ZNF500: variants seen among roughly 807,000 people sequenced by gnomAD.
ZNF500 encodes the protein zinc finger protein with KRAB and SCAN domains 18.
In ZNF500, 31 loss-of-function variants were observed where a neutral mutation model predicts 30.1. The ratio of observed to expected loss-of-function variants is 1.03; its 90% CI spans 0.77 to 1.39. The LOEUF (loss-of-function observed/expected upper bound fraction) is 1.39. ZNF500 is among the 40% of genes most tolerant of loss of function. The probability of loss-of-function intolerance (pLI) is 0.00; values close to 1 mark genes in which losing one functional copy is unlikely to be tolerated. For missense variants in ZNF500, 817 were observed against 657.8 expected, an observed-to-expected ratio of 1.24 and a Z score of -2.65; for synonymous variants, 392 against 282.0, an observed-to-expected ratio of 1.39 and a Z score of -3.91.
At chr16:4,762,992 C>T (rs529081883) in intron 2 of ZNF500, 1 of 985,448 alleles carries the variant, frequency 1.0e-6, no homozygotes, top group Non-Finnish European at 1.2e-6. Flanking sequence ...CATTCTTACC[C>T]TCTATTCCTT....
intron 5 of ZNF500, among the ~76,000 whole-genome samples, chr16:4,758,809 G>C (rs550942206): frequency 6.6e-6 from 1 of 152,132 alleles, no homozygotes; most frequent in South Asian, 2.1e-4. Context: ...CTCTTCATAG[G>C]CAACAAAAGA....
In ZNF500 at chr16:4,751,683, T is replaced by G. The variant is rs1480312583; in HGVS notation, c.*693A>C. 1 of 1,514,826 alleles carries G rather than the reference T, an allele frequency of 6.6e-7. No homozygotes were observed. The highest frequency in any genetic ancestry group is 1.2e-5 in the South Asian group (1 of 83,562). The allele number at this position is 1,514,826 out of a possible 1,614,324, so 93.8% of individuals were successfully genotyped here. A position where few individuals can be genotyped will look rare whatever the true frequency, so the allele number is the denominator to read the frequency against. ...CCTTATTTGGAAACACGGGTTTTGA[T>G]GATATAATTAGTTAAGATGAGGTCA... On this transcript the variant is annotated 3_prime_UTR_variant, in exon 6 of 6. Coordinates refer to ENST00000219478, the MANE Select transcript of ZNF500 (RefSeq NM_021646.4).
intron 5 of ZNF500, among the ~76,000 whole-genome samples, chr16:4,759,081 C>T (rs1292988475): frequency 1.8e-5 from 1 of 55,250 alleles, no homozygotes; most frequent in African/African-American, 8.1e-5. Context: ...TGGTGGCACA[C>T]ACCTGTAATC....
At chr16:4,753,128 A>C in intron 5 of ZNF500, 70 bp from the exon 6 acceptor site, 3 of 1,488,880 alleles carry the variant, frequency 2.0e-6, no homozygotes, top group Non-Finnish European at 2.7e-6. Context: ...CTAATAGGAA[A>C]ATGAAGGCCT....
chr16:4,763,628 C>T (rs2082231799), intron 2 of ZNF500: 1 of 985,366 alleles, frequency 1.0e-6, no homozygotes, highest in Non-Finnish European at 1.2e-6. Context: ...GAGCGTAGTC[C>T]CCTTGGGGAG....
chr16:4,766,074 G>A lies in ZNF500; in HGVS notation c.-96C>T, dbSNP rs2082262748. 1 of 1,411,426 alleles carries A rather than the reference G, an allele frequency of 7.1e-7. No individual in the cohort carries two copies. The highest frequency in any genetic ancestry group is 9.4e-7 in the Non-Finnish European group (1 of 1,065,384). 87.4% of individuals were successfully genotyped at this position (1,411,426 alleles called of 1,614,324 possible). On this transcript the variant is annotated splice_region_variant and 5_prime_UTR_variant, in exon 2 of 6. Coordinates refer to ENST00000219478, the MANE Select transcript of ZNF500 (RefSeq NM_021646.4). The stretch of plus-strand genomic sequence containing the variant: ...ACACAGGAAGAGAGTTTTTTTCAGG[G>A]CCCTGTGGAGAGACGATAAAACCAT...
Position 4,749,614 on chromosome 16 carries a change from A to T in ZNF500, c.*2762T>A, listed in dbSNP as rs1278398575. 1 of 152,264 alleles carries T rather than the reference A, an allele frequency of 6.6e-6. No individual in the cohort carries two copies. Among genetic ancestry groups the T allele is most frequent in the Non-Finnish European group, 1.5e-5 (1 of 68,098 alleles). The allele number at this position is 152,264 out of a possible 1,614,324, so 9.4% of individuals were successfully genotyped here. On this transcript the variant is annotated 3_prime_UTR_variant, in exon 6 of 6. Coordinates refer to ENST00000219478, the MANE Select transcript of ZNF500 (RefSeq NM_021646.4). ...TGGATCACAAGGTCGGGAGTTCAAGACCAGCCTGACCAACATGGAGAAACC... is the reference window on the plus strand; with the variant it reads ...TGGATCACAAGGTCGGGAGTTCAAGTCCAGCCTGACCAACATGGAGAAACC...
Position 4,765,910 on chromosome 16 carries a change from C to G in ZNF500, c.69G>C (p.Leu23=). 1.2e-6 allele frequency: 2 copies of G among 1,611,910 alleles called. No individual in the cohort carries two copies. Among genetic ancestry groups the G allele is most frequent in the Non-Finnish European group, 1.7e-6 (2 of 1,179,262 alleles). Residue 23 remains leucine (L), a synonymous_variant, in exon 2 of 6, where the codon CTG becomes CTC. Coordinates refer to ENST00000219478, the MANE Select transcript of ZNF500 (RefSeq NM_021646.4). ...LEQDLEQEEI[L]IVKVEEDFCL... ...AGAAGTCCTCCTCCACCTTCACAATCAGGATCTCTTCCTGTTCCAGGTCCT... is the reference window on the plus strand; with the variant it reads ...AGAAGTCCTCCTCCACCTTCACAATGAGGATCTCTTCCTGTTCCAGGTCCT...
At position 4,752,126 on chromosome 16, in the gene ZNF500, T is replaced by G. The variant is rs2082085900; in HGVS notation, c.*250A>C. 4.4e-6 allele frequency: 6 copies of G among 1,348,462 alleles called. No individual in the cohort carries two copies. Among genetic ancestry groups the G allele is most frequent in the Non-Finnish European group, 5.7e-6 (6 of 1,055,790 alleles). The allele number at this position is 1,348,462 out of a possible 1,614,324, so 83.5% of individuals were successfully genotyped here. A position where few individuals can be genotyped will look rare whatever the true frequency, so the allele number is the denominator to read the frequency against. On this transcript the variant is annotated 3_prime_UTR_variant, in exon 6 of 6. Coordinates refer to ENST00000219478, the MANE Select transcript of ZNF500 (RefSeq NM_021646.4). ...GGCCTCCTGAGTGTGTCTCTGTGGC[T>G]GAAGCCCCTGCTCTGTGTCACCTGT...
Position 4,751,864 on chromosome 16 carries a change from T to G in ZNF500, c.*512A>C. ...TCGAGGCTGCAGTGAGCTATGATCA[T>G]GGCACTGTATTCCCGCCTGGGGGAC... On this transcript the variant is annotated 3_prime_UTR_variant, in exon 6 of 6. Transcript: ENST00000219478. 5.8e-6 allele frequency: 2 copies of G among 344,324 alleles called. No individual in the cohort carries two copies. The highest frequency in any genetic ancestry group is 1.0e-5 in the Non-Finnish European group (2 of 199,642). 21.3% of individuals were successfully genotyped at this position (344,324 alleles called of 1,614,324 possible).
chr16:4,763,768 C>T (rs746235374), intron 2 of ZNF500: 25 of 985,254 alleles, frequency 2.5e-5, no homozygotes, highest in Non-Finnish European at 3.0e-5. Flanking sequence ...AGAGGCTGGC[C>T]GGCTGGGAAG....
Position 4,765,829 on chromosome 16 carries a change from G to C in ZNF500, c.150C>G (p.Arg50=), listed in dbSNP as rs374876958. The change falls in exon 2 of 6, where the codon CGC becomes CGG. Residue 50 remains arginine, a synonymous_variant. Transcript: ENST00000219478. The part of the protein sequence containing the change: ...ETEDPSPETF[R]QLFRLFCYQE... ...GGTAGCAGAAGAGCCGGAAGAGCTG[G>C]CGGAAAGTCTCAGGGCTGGGGTCCT... The C allele has an allele frequency of 2.5e-6, 4 of 1,613,558 alleles. No homozygotes were observed. The African/African-American group carries it at 4.0e-5, about 16-fold the overall frequency.
intron 5 of ZNF500, among the ~76,000 whole-genome samples, chr16:4,757,712 C>T (rs1314804759): frequency 1.3e-5 from 2 of 151,856 alleles, no homozygotes; most frequent in Non-Finnish European, 2.9e-5. Context: ...AAGCGATTCT[C>T]CTGCCTCAGC....
rs1328351181 is a variant in ZNF500 at position 4,751,956 on chromosome 16, G to A, written c.*420C>T. The A allele has an allele frequency of 3.8e-5, 28 of 729,628 alleles. No homozygotes were observed. Among genetic ancestry groups the A allele is most frequent in the Admixed American group, 1.1e-4 (3 of 26,444 alleles). 45.2% of individuals were successfully genotyped at this position (729,628 alleles called of 1,614,324 possible). A position where few individuals can be genotyped will look rare whatever the true frequency, so the allele number is the denominator to read the frequency against. On this transcript the variant is annotated 3_prime_UTR_variant, in exon 6 of 6. Coordinates refer to ENST00000219478, the MANE Select transcript of ZNF500 (RefSeq NM_021646.4). ...GGTGGGGGGTACACACAGAGACAGC[G>A]CACAGGGTCACAGACACACAGGAGA... is the stretch of plus-strand genomic sequence containing the variant.
In ZNF500 at chr16:4,751,966, A is replaced by T; in HGVS notation, c.*410T>A. On this transcript the variant is annotated 3_prime_UTR_variant, in exon 6 of 6. Coordinates refer to ENST00000219478, the MANE Select transcript of ZNF500 (RefSeq NM_021646.4). ...ACACACAGAGACAGCGCACAGGGTC[A>T]CAGACACACAGGAGAGGGGTTGGGA... 1 of 807,074 alleles carries T rather than the reference A, an allele frequency of 1.2e-6. No individual in the cohort carries two copies. Among genetic ancestry groups the T allele is most frequent in the Non-Finnish European group, 1.7e-6 (1 of 581,350 alleles). 50.0% of individuals were successfully genotyped at this position (807,074 alleles called of 1,614,324 possible). A position where few individuals can be genotyped will look rare whatever the true frequency, so the allele number is the denominator to read the frequency against.
At chr16:4,745,950 C>T (rs1445213353), downstream of ZNF500, among the ~76,000 whole-genome samples, 1 of 82,284 alleles carries the variant, frequency 1.2e-5, no homozygotes. Flanking sequence ...AAGACTCTGT[C>T]TCAAAAAAAA....
chr16:4,762,378 G>C (rs1244756251), intron 3 of ZNF500, 43 bp from the exon 4 acceptor site: 1 of 1,568,630 alleles, frequency 6.4e-7, no homozygotes, highest in Admixed American at 1.9e-5. Flanking sequence ...AGCTCACCCA[G>C]TACTGCCCCT....
rs749282146 is a variant in ZNF500, at chr16:4,752,920, C to T, written c.899G>A (p.Gly300Asp). The T allele has an allele frequency of 6.2e-7, 1 of 1,613,710 alleles. No homozygotes were observed. The highest frequency in any genetic ancestry group is 1.7e-5 in the Admixed American group (1 of 60,024). ...TCTTGGCTGATCAGGCCTGACCAAG[C>T]CCCTGACTGGGGCTGGCCTCTGACC... is the stretch of plus-strand genomic sequence containing the variant. Reference protein sequence around the residue: ...LPGQRPAPVRGLVRPDQPRGG... With the variant: ...LPGQRPAPVRDLVRPDQPRGG... Residue 300 changes from glycine (G) to aspartate (D), a missense_variant, in exon 6 of 6, where the codon GGC (glycine) becomes GAC (aspartate). Physicochemically the swap from Gly to Asp is moderately conservative, Grantham distance 94 (BLOSUM62 -1). Coordinates refer to ENST00000219478, the MANE Select transcript of ZNF500 (RefSeq NM_021646.4).
At chr16:4,761,192 A>G (rs960618025) in intron 4 of ZNF500, among the ~76,000 whole-genome samples, 1 of 151,894 alleles carries the variant, frequency 6.6e-6, no homozygotes, top group African/African-American at 2.4e-5. Flanking sequence ...ATCCCAGCAC[A>G]TTGGGAGGCC....
Sources: allele counts gnomAD v4.1 joint callset (sites outside exome capture counted in the v4.1 genomes callset), GRCh38; gene constraint gnomAD v4.1.1; transcripts MANE v1.5; gene names NCBI Gene and HGNC (gene_info 2026-07-23, HGNC 2026-07-21).